NINL: variants seen among roughly 807,000 people sequenced by gnomAD.
NINL encodes ninein-like protein.
In NINL, 153 loss-of-function variants were observed where a neutral mutation model predicts 160.3. The observed-to-expected ratio is 0.95, with a 90% CI of 0.84 to 1.09. The LOEUF (loss-of-function observed/expected upper bound fraction) is 1.09. Among genes scored for constraint, NINL ranks in the 50% least tolerant of loss-of-function variants. NINL has a pLI of 0.00. For synonymous variants in NINL, 800 were observed against 734.8 expected (o/e 1.09, Z -1.43); for missense variants, 1,829 against 1,764.0 (o/e 1.04, Z -0.66).
chr20:25,455,793 T>C lies in NINL; in HGVS notation c.3844-7A>G. On this transcript the variant is annotated splice_polypyrimidine_tract_variant and splice_region_variant and intron_variant, in intron 22 of 23. Coordinates refer to ENST00000278886, the MANE Select transcript of NINL (RefSeq NM_025176.6). ...GCTGTTTCTCATGTTCTTCCTGCCA[T>C]AAAAGAAGGTTGCAGGTGGCCGGGC... 2 of 1,612,732 alleles carry C rather than the reference T, an allele frequency of 1.2e-6. No individual in the cohort carries two copies. The highest frequency in any genetic ancestry group is 1.6e-4 in the Middle Eastern group (1 of 6,062).
intron 1 of NINL, among the ~76,000 whole-genome samples, chr20:25,580,589 G>A (rs182859635): frequency 1.6e-4 from 25 of 152,240 alleles, no homozygotes; most frequent in African/African-American, 5.5e-4. Context: ...AGACAATCGG[G>A]TTCAGAAAGG....
chr20:25,524,059 A>T (rs2064310213), intron 2 of NINL, among the ~76,000 whole-genome samples: 1 of 152,200 alleles, frequency 6.6e-6, no homozygotes, highest in African/African-American at 2.4e-5. Context: ...TGGGACACCT[A>T]TACGGATATT....
In NINL at chr20:25,476,996, C is replaced by T. The variant is rs762123367; in HGVS notation, c.2295G>A (p.Pro765=). The change falls in exon 17 of 24, where the codon CCG becomes CCA. Residue 765 remains proline (P), a synonymous_variant. Coordinates refer to ENST00000278886, the MANE Select transcript of NINL (RefSeq NM_025176.6). The part of the protein sequence containing the change: ...RDLTLELEEP[P]QGPLPRGSQR... ...GGCTCCCGCGTGGCAGGGGTCCCTG[C>T]GGCGGCTCCTCCAGCTCCAAGGTCA... 5.6e-6 allele frequency: 9 copies of T among 1,602,568 alleles called. No homozygotes were observed. Among genetic ancestry groups the T allele is most frequent in the Admixed American group, 3.3e-5 (2 of 59,952 alleles).
rs533709511 is a variant in NINL, at chr20:25,453,214, G to A, written c.*237C>T. On this transcript the variant is annotated 3_prime_UTR_variant, in exon 24 of 24. Coordinates refer to ENST00000278886, the MANE Select transcript of NINL (RefSeq NM_025176.6). ...TGGCAAAACTGGGAATTTTGCCAAG[G>A]GAAATTACTCAGGACCGCTAATAAA... 5.3e-6 allele frequency: 2 copies of A among 375,660 alleles called. No homozygotes were observed. The highest frequency in any genetic ancestry group is 1.8e-4 in the South Asian group (2 of 11,130). The allele number at this position is 375,660 out of a possible 1,614,324, so 23.3% of individuals were successfully genotyped here.
chr20:25,486,798 A>G (rs1488225968), intron 13 of NINL, among the ~76,000 whole-genome samples: 1 of 152,194 alleles, frequency 6.6e-6, no homozygotes. Context: ...GTCACTTTAC[A>G]TGGGAGGGAA....
At chr20:25,578,837 C>A (rs2065144387) in intron 1 of NINL, among the ~76,000 whole-genome samples, 1 of 147,930 alleles carries the variant, frequency 6.8e-6, no homozygotes, top group East Asian at 2.0e-4. Context: ...CAGTAAAGCT[C>A]AAGCAAAATT....
At position 25,504,098 on chromosome 20, in the gene NINL, C is replaced by T. The variant is rs755104163; in HGVS notation, c.715G>A (p.Glu239Lys). The part of the protein sequence containing the change: ...GLQGLEKEEL[E>K]DLFNKLDQDG... ...TGATCCAGTTTGTTAAACAGGTCTT[C>T]GAGTTCCTAAACAAAAGCCGTCATA... Residue 239 changes from glutamate (E) to lysine (K), a missense_variant, in exon 7 of 24, where the codon GAA becomes AAA. Transcript: ENST00000278886. 17 of 1,570,066 alleles carry T rather than the reference C, an allele frequency of 1.1e-5. No individual in the cohort carries two copies. Among genetic ancestry groups the T allele is most frequent in the African/African-American group, 8.2e-5 (6 of 73,316 alleles).
At chr20:25,554,303 A>C (rs2064838950) in intron 1 of NINL, among the ~76,000 whole-genome samples, 1 of 152,202 alleles carries the variant, frequency 6.6e-6, no homozygotes, top group South Asian at 2.1e-4. Context: ...CAGCCCCCTG[A>C]GTGCCAGAGT....
intron 1 of NINL, among the ~76,000 whole-genome samples, chr20:25,569,612 T>C (rs146892483): frequency 2.9e-4 from 44 of 152,266 alleles, no homozygotes; most frequent in Non-Finnish European, 5.4e-4. Flanking sequence ...TGGGAGGCCC[T>C]GCAGGAGGCA....
chr20:25,497,228 C>T (rs2063774373), intron 9 of NINL, among the ~76,000 whole-genome samples: 1 of 152,250 alleles, frequency 6.6e-6, no homozygotes, highest in Non-Finnish European at 1.5e-5. Flanking sequence ...ATGGGCATCC[C>T]AGCACGCTAG....
chr20:25,479,453 G>A (rs1389551444), intron 15 of NINL, among the ~76,000 whole-genome samples: 1 of 152,178 alleles, frequency 6.6e-6, no homozygotes, highest in Non-Finnish European at 1.5e-5. Context: ...CAGGAAGCTC[G>A]GGGCTCACTG....
chr20:25,467,306 C>G lies in NINL; in HGVS notation c.3423+83G>C, dbSNP rs1290164249. ...TCTTTTAGAAGAATATTCTCTACTT[C>G]CTTTTGTAAGTTTAAAATGATTTCA... On this transcript the variant is annotated intron_variant, in intron 19 of 23. Coordinates refer to ENST00000278886, the MANE Select transcript of NINL (RefSeq NM_025176.6). 32 of 1,200,018 alleles carry G rather than the reference C, an allele frequency of 2.7e-5. No individual in the cohort carries two copies. The East Asian group carries it at 7.2e-4, about 27-fold the overall frequency. The allele number at this position is 1,200,018 out of a possible 1,614,324, so 74.3% of individuals were successfully genotyped here.
chr20:25,501,373 G>T (rs1442644027), intron 7 of NINL, among the ~76,000 whole-genome samples: 3 of 152,246 alleles, frequency 2.0e-5, no homozygotes, highest in African/African-American at 7.2e-5. Context: ...CGGGAGCCTG[G>T]CCTCGCAGAG....
rs144833027 is a variant in NINL, at chr20:25,555,702, A to G, written c.-11-29104T>C. Reference sequence around the variant, plus strand: ...GCAACACAGTGAGGCCTCCGTGTCTATCTTCCCTATTGCCCAGGCTGGTGT... The same window carrying G: ...GCAACACAGTGAGGCCTCCGTGTCTGTCTTCCCTATTGCCCAGGCTGGTGT... On this transcript the variant is annotated intron_variant, in intron 1 of 23. Transcript: ENST00000278886. Among the ~76,000 whole-genome samples the G allele has an allele frequency of 3.6e-3, 553 of 152,072 alleles. 2 individuals are homozygous for G. The highest frequency in any genetic ancestry group is 0.013 in the African/African-American group (531 of 41,482).
At chr20:25,500,785 A>T (rs2146786278) in intron 8 of NINL, 55 bp downstream of exon 8, 1 of 1,575,984 alleles carries the variant, frequency 6.3e-7, no homozygotes. Context: ...CCTCCTCTGC[A>T]GCAGACGGGC....
Position 25,485,148 on chromosome 20 carries a change from C to A in NINL, c.1678-3048G>T, listed in dbSNP as rs186382809. 7.9e-5 allele frequency among the ~76,000 whole-genome samples: 12 copies of A among 152,190 alleles called. No homozygotes were observed. In the East Asian group the frequency reaches 2.3e-3, roughly 29 times the overall value. On this transcript the variant is annotated intron_variant, in intron 13 of 23. Coordinates refer to ENST00000278886, the MANE Select transcript of NINL (RefSeq NM_025176.6). ...GTCAGAATAAAGGATATTAAAGAAA[C>A]AATCTGGCCCTGGGTAGATGCACTG...
At chr20:25,532,712 C>T (rs1449748246) in intron 1 of NINL, among the ~76,000 whole-genome samples, 2 of 152,262 alleles carry the variant, frequency 1.3e-5, no homozygotes, top group African/African-American at 4.8e-5. Flanking sequence ...TCAGACACAG[C>T]AGGTCTACAA....
chr20:25,549,709 C>T (rs551606098), intron 1 of NINL, among the ~76,000 whole-genome samples: 6 of 152,238 alleles, frequency 3.9e-5, no homozygotes, highest in African/African-American at 1.2e-4. Context: ...AGTGTCAGCA[C>T]GGAAAGCCCA....
At position 25,453,629 on chromosome 20, in the gene NINL, GTGTT is replaced by G. The variant is rs760334830; in HGVS notation, c.3967_3970del (p.Asn1323ArgfsTer7). 1.2e-6 allele frequency: 2 copies of G among 1,605,640 alleles called. No individual in the cohort carries two copies. Among genetic ancestry groups the G allele is most frequent in the Admixed American group, 3.4e-5 (2 of 58,200 alleles). ...CTCCTTCAGCAGCAGGTCGGACTTC[GTGTT>G]CTTTTCAAACTAGAGAGGGGAGGAA... On this transcript the variant is annotated frameshift_variant, in exon 24 of 24. Transcript: ENST00000278886. LOFTEE classifies it low-confidence loss of function (END_TRUNC).
Sources: gnomAD v4.1 joint callset for allele counts (sites outside exome capture counted in the v4.1 genomes callset) on GRCh38, gnomAD v4.1.1 for gene constraint, MANE v1.5 for transcripts, NCBI Gene and HGNC (gene_info 2026-07-23, HGNC 2026-07-21) for gene names.